Variants in SGCZ observed in about 807,000 individuals in gnomAD.
The protein encoded by SGCZ is zeta-sarcoglycan.
Under a neutral mutation model 41.3 loss-of-function variants are expected in SGCZ, and 40 were observed. The ratio of observed to expected loss-of-function variants is 0.97; its 90% CI spans 0.75 to 1.26. The LOEUF (loss-of-function observed/expected upper bound fraction) is 1.26. Ranked by LOEUF, SGCZ falls within the 50% of genes most tolerant of loss-of-function variation. The probability of loss-of-function intolerance (pLI) is 0.00; values close to 1 mark genes in which losing one functional copy is unlikely to be tolerated. For synonymous variants in SGCZ, 206 were observed against 137.5 expected (o/e 1.50, Z -3.49); for missense variants, 552 against 369.8 (o/e 1.49, Z -4.04).
At chr8:14,531,746 T>C (rs1056048698) in intron 2 of SGCZ, among the ~76,000 whole-genome samples, 7 of 152,092 alleles carry the variant, frequency 4.6e-5, no homozygotes, top group Non-Finnish European at 1.0e-4. Flanking sequence ...TTTATTTTCT[T>C]TCCTATTCAA....
chr8:14,306,632 C>T (rs1438746994), intron 3 of SGCZ, among the ~76,000 whole-genome samples: 1 of 152,070 alleles, frequency 6.6e-6, no homozygotes, highest in African/African-American at 2.4e-5. Flanking sequence ...GATGGCAAAT[C>T]ACAGATACAT....
intron 1 of SGCZ, among the ~76,000 whole-genome samples, chr8:14,938,584 T>C (rs1800161705): frequency 6.6e-6 from 1 of 152,152 alleles, no homozygotes; most frequent in South Asian, 2.1e-4. Context: ...TTTATGTTAT[T>C]GGTAAAGCTT....
chr8:14,346,924 G>A (rs17119124), intron 2 of SGCZ, among the ~76,000 whole-genome samples: 8,932 of 151,240 alleles, frequency 0.059, 486 homozygotes, highest in East Asian at 0.27. Context: ...TTATTATTTC[G>A]GACAGTGGCT....
chr8:14,129,568 C>A (rs967972013), intron 5 of SGCZ, among the ~76,000 whole-genome samples: 11 of 151,236 alleles, frequency 7.3e-5, no homozygotes, highest in African/African-American at 2.4e-4. Flanking sequence ...AGGCAGGGCT[C>A]AGAAGGAAAT....
chr8:14,475,466 T>C (rs574663143), intron 2 of SGCZ, among the ~76,000 whole-genome samples: 3 of 152,322 alleles, frequency 2.0e-5, no homozygotes, highest in Non-Finnish European at 2.9e-5. Context: ...TGATTCATTT[T>C]TCATTCCAGT....
At chr8:14,776,703 C>G (rs953967021) in intron 1 of SGCZ, among the ~76,000 whole-genome samples, 11 of 151,856 alleles carry the variant, frequency 7.2e-5, no homozygotes, top group African/African-American at 2.7e-4. Flanking sequence ...CCGTGTTAGC[C>G]AGGATGGTCT....
intron 1 of SGCZ, among the ~76,000 whole-genome samples, chr8:15,104,626 T>C (rs1806748064): frequency 6.6e-6 from 1 of 152,236 alleles, no homozygotes; most frequent in Admixed American, 6.5e-5. Flanking sequence ...TCTGTAAGTA[T>C]GTATATATCA....
At chr8:14,301,869 A>C (rs1188332128) in intron 3 of SGCZ, among the ~76,000 whole-genome samples, 1 of 152,154 alleles carries the variant, frequency 6.6e-6, no homozygotes, top group Non-Finnish European at 1.5e-5. Context: ...TTTAAACTCA[A>C]AGCACCAAAA....
At chr8:14,473,799 G>A (rs1025839155) in intron 2 of SGCZ, among the ~76,000 whole-genome samples, 26 of 152,004 alleles carry the variant, frequency 1.7e-4, no homozygotes, top group Non-Finnish European at 3.4e-4. Flanking sequence ...TTAGCCAGGC[G>A]TGGTGGCGGG....
At chr8:14,325,510 C>A (rs528496524) in intron 2 of SGCZ, among the ~76,000 whole-genome samples, 21 of 145,396 alleles carry the variant, frequency 1.4e-4, no homozygotes, top group African/African-American at 4.5e-4. Flanking sequence ...TAATCATAAT[C>A]ATATATAATA....
intron 1 of SGCZ, among the ~76,000 whole-genome samples, chr8:15,170,138 A>G (rs58993070): frequency 0.27 from 40,675 of 151,748 alleles, 5,938 homozygotes; most frequent in East Asian, 0.59. Flanking sequence ...ATTTTTTTCC[A>G]TGTGCAGACT....
chr8:15,156,450 C>T (rs1315900011), intron 1 of SGCZ, among the ~76,000 whole-genome samples: 1 of 152,184 alleles, frequency 6.6e-6, no homozygotes, highest in Non-Finnish European at 1.5e-5. Context: ...GGTGAAATCA[C>T]TCTTGGATAG....
chr8:14,769,808 A>C (rs1800173264), intron 1 of SGCZ, among the ~76,000 whole-genome samples: 1 of 149,712 alleles, frequency 6.7e-6, no homozygotes, highest in East Asian at 2.0e-4. Flanking sequence ...AAAAAAAAAA[A>C]AAAAAAACCC....
chr8:14,344,362 T>A (rs1165713606), intron 2 of SGCZ, among the ~76,000 whole-genome samples: 1 of 151,868 alleles, frequency 6.6e-6, no homozygotes, highest in South Asian at 2.1e-4. Context: ...CTACACTATA[T>A]ACAGTGTGGT....
At chr8:14,339,132 A>C (rs1802609773) in intron 2 of SGCZ, among the ~76,000 whole-genome samples, 1 of 152,218 alleles carries the variant, frequency 6.6e-6, no homozygotes, top group Non-Finnish European at 1.5e-5. Context: ...TTAAAGAAAA[A>C]TCAGTGCTAC....
At chr8:14,520,457 T>C (rs1332534413) in intron 2 of SGCZ, among the ~76,000 whole-genome samples, 1 of 152,164 alleles carries the variant, frequency 6.6e-6, no homozygotes, top group Non-Finnish European at 1.5e-5. Context: ...AAACCAATGC[T>C]TTAGCATATC....
intron 1 of SGCZ, among the ~76,000 whole-genome samples, chr8:14,656,966 T>C (rs1367915271): frequency 6.6e-6 from 1 of 151,954 alleles, no homozygotes; most frequent in East Asian, 1.9e-4. Context: ...GAAGAAGACA[T>C]ATAAACTCTA....
Position 14,976,923 on chromosome 8 carries a change from G to A in SGCZ, c.39+260662C>T, listed in dbSNP as rs542496270. Among the ~76,000 whole-genome samples, 15 of 152,280 alleles carry A rather than the reference G, an allele frequency of 9.9e-5. No individual in the cohort carries two copies. In the South Asian group the frequency reaches 2.7e-3, roughly 27 times the overall value. ...AGATTGGCTTTAAAATTTGAGTGACGTACATTGTTGAATTTAAATTTCAAA... is the reference window on the plus strand; with the variant it reads ...AGATTGGCTTTAAAATTTGAGTGACATACATTGTTGAATTTAAATTTCAAA... On this transcript the variant is annotated intron_variant, in intron 1 of 7. Coordinates refer to ENST00000382080, the MANE Select transcript of SGCZ (RefSeq NM_139167.4).
intron 2 of SGCZ, among the ~76,000 whole-genome samples, chr8:14,405,358 T>C (rs1361388343): frequency 6.9e-6 from 1 of 144,458 alleles, no homozygotes; most frequent in Admixed American, 6.9e-5. Flanking sequence ...CACTATTATT[T>C]TTTCTCACAC....
Sources: allele counts gnomAD v4.1 joint callset (sites outside exome capture counted in the v4.1 genomes callset), GRCh38; gene constraint gnomAD v4.1.1; transcripts MANE v1.5; gene names NCBI Gene and HGNC (gene_info 2026-07-23, HGNC 2026-07-21).